The following CAPN8 variants were observed in gnomAD, a reference collection of about 807,000 sequenced individuals.
CAPN8 encodes calpain 8.
CAPN8 carries 87 observed loss-of-function variants against 80.9 expected under a neutral mutation model. The ratio of observed to expected loss-of-function variants is 1.07; its 90% confidence interval spans 0.90 to 1.28. The LOEUF is 1.28. Ranked by LOEUF, CAPN8 falls within the 50% of genes most tolerant of loss-of-function variation. The probability of loss-of-function intolerance (pLI) is 0.00; values close to 1 mark genes in which losing one functional copy is unlikely to be tolerated. For synonymous variants in CAPN8, 299 were observed against 273.8 expected (o/e 1.09, Z -0.91); for missense variants, 757 against 702.0 (o/e 1.08, Z -0.89).
At chr1:223,629,836 C>T (rs1428236138) in intron 2 of CAPN8, among the ~76,000 whole-genome samples, 1 of 152,188 alleles carries the variant, frequency 6.6e-6, no homozygotes, top group Admixed American at 6.5e-5. Flanking sequence ...GAACAAGTCC[C>T]TGTTTCTCCT....
chr1:223,620,385 G>A lies in CAPN8; in HGVS notation c.900-119C>T, dbSNP rs1373328762. The A allele has an allele frequency of 5.8e-6, 5 of 858,506 alleles. No individual in the cohort carries two copies. In the Admixed American group the frequency reaches 8.8e-5, roughly 15 times the overall value. 53.2% of individuals were successfully genotyped at this position (858,506 alleles called of 1,614,324 possible). A position where few individuals can be genotyped will look rare whatever the true frequency, so the allele number is the denominator to read the frequency against. On this transcript the variant is annotated intron_variant, in intron 7 of 20. Transcript: ENST00000366872. ...AAACAAAATACCAAAAGCACTGCAG[G>A]CAGACAGAAAGGCAGAATGGACAGT...
chr1:223,642,474 T>G (rs1658070052), intron 2 of CAPN8, among the ~76,000 whole-genome samples: 1 of 152,204 alleles, frequency 6.6e-6, no homozygotes, highest in Non-Finnish European at 1.5e-5. Context: ...CTCTCAGACC[T>G]GATAGCAGCG....
At chr1:223,662,869 T>C (rs1168467029) in intron 1 of CAPN8, among the ~76,000 whole-genome samples, 1 of 152,188 alleles carries the variant, frequency 6.6e-6, no homozygotes, top group Non-Finnish European at 1.5e-5. Flanking sequence ...AGGATCAGAA[T>C]CTTTACTGAT....
chr1:223,639,994 C>A (rs1188412696), intron 2 of CAPN8, among the ~76,000 whole-genome samples: 1 of 152,200 alleles, frequency 6.6e-6, no homozygotes, highest in Non-Finnish European at 1.5e-5. Context: ...CCTTAGATCT[C>A]TGTACAAAGG....
intron 2 of CAPN8, among the ~76,000 whole-genome samples, chr1:223,635,610 G>C (rs1051062936): frequency 6.6e-6 from 1 of 150,588 alleles, no homozygotes; most frequent in Non-Finnish European, 1.5e-5. Flanking sequence ...TTCAGACCTT[G>C]AGTAGTCTAT....
At chr1:223,621,265 A>G (rs1657383061) in intron 7 of CAPN8, among the ~76,000 whole-genome samples, 1 of 150,636 alleles carries the variant, frequency 6.6e-6, no homozygotes, top group East Asian at 1.9e-4. Flanking sequence ...TTTTTTAAGT[A>G]AAATCTCACT....
chr1:223,631,592 T>C (rs186025438), intron 2 of CAPN8, among the ~76,000 whole-genome samples: 2 of 152,282 alleles, frequency 1.3e-5, no homozygotes, highest in East Asian at 3.9e-4. Flanking sequence ...TCAACGGATG[T>C]TTGATGAATA....
intron 2 of CAPN8, among the ~76,000 whole-genome samples, chr1:223,646,254 C>T (rs1479271022): frequency 6.6e-6 from 1 of 152,240 alleles, no homozygotes. Flanking sequence ...AAGGGTATCA[C>T]CTGTCCTTTC....
At chr1:223,650,435 C>T (rs1341050003) in intron 2 of CAPN8, among the ~76,000 whole-genome samples, 1 of 152,192 alleles carries the variant, frequency 6.6e-6, no homozygotes, top group Non-Finnish European at 1.5e-5. Context: ...GTAACTGGCT[C>T]AAGGAGTGGG....
intron 17 of CAPN8, 152 bp downstream of exon 17, chr1:223,545,079 T>C: frequency 7.0e-7 from 1 of 1,420,434 alleles, no homozygotes; most frequent in Non-Finnish European, 9.5e-7. Context: ...TGAGAGTCTC[T>C]CATTGCCTTC....
intron 13 of CAPN8, among the ~76,000 whole-genome samples, chr1:223,557,683 C>T (rs1412345443): frequency 2.0e-5 from 3 of 152,196 alleles, no homozygotes; most frequent in Admixed American, 2.0e-4. Flanking sequence ...TCCCCCAGCA[C>T]CCCTCAGACT....
Position 223,541,856 on chromosome 1 carries a change from G to T in CAPN8, c.2092C>A (p.Leu698Met), listed in dbSNP as rs903126450. The change falls in exon 21 of 21, where the codon CTG becomes ATG. Residue 698 changes from leucine (L) to methionine (M), a missense_variant. Physicochemically the swap from Leu to Met is conservative, Grantham distance 15. Transcript: ENST00000366872. Reference sequence around the variant, plus strand: ...CCGGGTCAGACCAACACGCAGCACAGCCACTGCAAAGGAAAGGGACAAGAT... The same window carrying T: ...CCGGGTCAGACCAACACGCAGCACATCCACTGCAAAGGAAAGGGACAAGAT... ...GMVQLSLAEW[L>M]CCVLV 2 of 1,546,670 alleles carry T rather than the reference G, an allele frequency of 1.3e-6. No homozygotes were observed. The highest frequency in any genetic ancestry group is 2.4e-5 in the South Asian group (2 of 83,768).
intron 9 of CAPN8, among the ~76,000 whole-genome samples, chr1:223,618,739 A>T (rs899915292): frequency 1.3e-5 from 2 of 152,226 alleles, no homozygotes; most frequent in East Asian, 3.9e-4. Context: ...AGGTGGGTGA[A>T]GCAGGGATGG....
intron 2 of CAPN8, among the ~76,000 whole-genome samples, chr1:223,651,286 A>C (rs962262847): frequency 2.7e-4 from 41 of 152,196 alleles, no homozygotes; most frequent in African/African-American, 9.2e-4. Context: ...GTTTCAACAA[A>C]GGATTTACTC....
At chr1:223,632,297 T>C (rs903170226) in intron 2 of CAPN8, among the ~76,000 whole-genome samples, 5 of 152,246 alleles carry the variant, frequency 3.3e-5, no homozygotes, top group Admixed American at 2.0e-4. Flanking sequence ...GGACATTTAC[T>C]CTGCTGTTCA....
chr1:223,558,036 T>C, intron 13 of CAPN8, 95 bp downstream of exon 13: 1 of 398,014 alleles, frequency 2.5e-6, no homozygotes, highest in East Asian at 3.6e-5. Flanking sequence ...GAAGTTATCA[T>C]CCTTAATACA....
At chr1:223,615,374 G>A (rs1657138871) in intron 10 of CAPN8, among the ~76,000 whole-genome samples, 2 of 152,222 alleles carry the variant, frequency 1.3e-5, no homozygotes, top group Admixed American at 1.3e-4. Flanking sequence ...CTGTGAGGCT[G>A]TTAAGTCTGT....
In CAPN8 at chr1:223,627,033, G is replaced by T. The variant is rs941147176; in HGVS notation, c.685C>A (p.Arg229=). 6.4e-7 allele frequency: 1 copy of T among 1,551,838 alleles called. No homozygotes were observed. Among genetic ancestry groups the T allele is most frequent in the Admixed American group, 2.0e-5 (1 of 50,982 alleles). The part of the protein sequence containing the change: ...KPPANLYQII[R]KALCAGSLLG... ...AGAGACCCCGCACAGAGGGCCTTCC[G>T]GATGATCTGATATAGATTGGCTGGT... The change falls in exon 5 of 21, where the codon CGG becomes AGG. Residue 229 remains arginine (R), a synonymous_variant. Coordinates refer to ENST00000366872, the MANE Select transcript of CAPN8 (RefSeq NM_001143962.2).
chr1:223,664,931 C>T (rs1307211973), intron 1 of CAPN8, among the ~76,000 whole-genome samples: 1 of 152,054 alleles, frequency 6.6e-6, no homozygotes, highest in Non-Finnish European at 1.5e-5. Flanking sequence ...CAGAGTGAGA[C>T]TCTGCCTCAA....
Sources: allele counts gnomAD v4.1 joint callset (sites outside exome capture counted in the v4.1 genomes callset), GRCh38; gene constraint gnomAD v4.1.1; transcripts MANE v1.5; gene names NCBI Gene and HGNC (gene_info 2026-07-23, HGNC 2026-07-21).